NFASC: variants seen among roughly 807,000 people sequenced by gnomAD.
The protein encoded by NFASC is neurofascin homolog.
Under a neutral mutation model 147.5 loss-of-function variants are expected in NFASC, and 43 were observed. The observed-to-expected ratio is 0.29, with a 90% CI of 0.23 to 0.38. NFASC has a LOEUF of 0.38. NFASC is among the 10% of genes least tolerant of loss of function. The pLI, the probability that NFASC is intolerant of heterozygous loss-of-function variation, is 1.00. For synonymous variants in NFASC, 622 were observed against 665.5 expected, an observed-to-expected ratio of 0.93 and a Z score of 1.01; for missense variants, 1,320 against 1,689.0, an observed-to-expected ratio of 0.78 and a Z score of 3.83.
At position 205,002,674 on chromosome 1, in the gene NFASC, C is replaced by T. The variant is rs767108773; in HGVS notation, c.3215C>T (p.Thr1072Ile). 26 of 1,589,392 alleles carry T rather than the reference C, an allele frequency of 1.6e-5. No homozygotes were observed. The highest frequency in any genetic ancestry group is 3.4e-5 in the Admixed American group (2 of 59,682). The change falls in exon 27 of 30, where the codon ACA becomes ATA. Residue 1072 changes from threonine (T) to isoleucine (I), a missense_variant. Physicochemically the swap from Thr to Ile is moderately conservative, Grantham distance 89. This residue lies in a region of NFASC where 167 missense variants were observed against 233.8 expected (regional missense o/e 0.71). Coordinates refer to ENST00000339876, the MANE Select transcript of NFASC (RefSeq NM_001005388.3). Reference sequence around the variant, plus strand: ...CTGACAGACCTCTATCCCGGGATGACATACACGTTGCGGGTTTATTCCCGG... The same window carrying T: ...CTGACAGACCTCTATCCCGGGATGATATACACGTTGCGGGTTTATTCCCGG... The part of the protein sequence containing the change: ...IQLTDLYPGM[T>I]YTLRVYSRDN...
chr1:204,982,090 G>A, intron 21 of NFASC, 70 bp downstream of exon 21: 1 of 1,063,508 alleles, frequency 9.4e-7, no homozygotes, highest in Non-Finnish European at 1.3e-6. Context: ...ACGCTCACAG[G>A]CCAGGAACCT....
At chr1:204,964,535 G>A (rs2094845247) in intron 8 of NFASC, among the ~76,000 whole-genome samples, 1 of 152,240 alleles carries the variant, frequency 6.6e-6, no homozygotes, top group South Asian at 2.1e-4. Context: ...AAGAAGAAAA[G>A]CTCCAACTAC....
intron 1 of NFASC, among the ~76,000 whole-genome samples, chr1:204,899,972 T>A (rs2084196151): frequency 6.6e-6 from 1 of 152,242 alleles, no homozygotes; most frequent in Admixed American, 6.5e-5. Context: ...TGATAATATG[T>A]ACTGTACTAA....
chr1:204,903,222 G>A (rs567020985), intron 1 of NFASC, among the ~76,000 whole-genome samples: 115 of 152,282 alleles, frequency 7.6e-4, no homozygotes, highest in African/African-American at 2.7e-3. Context: ...AGGGTGGTGG[G>A]TACAAGTGGC....
At chr1:204,893,781 C>G (rs2082860272) in intron 1 of NFASC, among the ~76,000 whole-genome samples, 1 of 152,242 alleles carries the variant, frequency 6.6e-6, no homozygotes, top group South Asian at 2.1e-4. Context: ...GCTTCTCCCC[C>G]TTTGCCTCTC....
chr1:205,016,434 C>G lies in NFASC; in HGVS notation c.3618C>G (p.Gly1206=). The change falls in exon 30 of 30, where the codon GGC becomes GGG. Residue 1206 remains glycine (G), a synonymous_variant. Coordinates refer to ENST00000339876, the MANE Select transcript of NFASC (RefSeq NM_001005388.3). The surrounding 1 kb of genome is among the most constrained non-coding windows in gnomAD (Gnocchi z 5.1). ...EGGEGQFNED[G]SFIGQYTVKK... is the part of the protein sequence containing the mutation. ...GCGAGGGTCAGTTCAATGAAGACGG[C>G]TCCTTCATCGGCCAGTACACGGTCA... 1 of 1,614,140 alleles carries G rather than the reference C, an allele frequency of 6.2e-7. No homozygotes were observed. The highest frequency in any genetic ancestry group is 1.1e-5 in the South Asian group (1 of 91,078).
chr1:204,938,544 C>G (rs766989930), intron 2 of NFASC, among the ~76,000 whole-genome samples: 2 of 152,150 alleles, frequency 1.3e-5, no homozygotes, highest in South Asian at 4.1e-4. Context: ...ACCCTGCCGC[C>G]GGCTCCCATA....
chr1:204,979,353 C>T lies in NFASC; in HGVS notation c.1979-9C>T. Reference sequence around the variant, plus strand: ...TCCCGAAACAGCTCTGTTTTCCTTGCCCACTCAGACTACGTCGTCCAGTTT... The same window carrying T: ...TCCCGAAACAGCTCTGTTTTCCTTGTCCACTCAGACTACGTCGTCCAGTTT... On this transcript the variant is annotated splice_polypyrimidine_tract_variant and intron_variant, in intron 18 of 29. Transcript: ENST00000339876. This position sits in a 1 kb window ranked among gnomAD's most constrained non-coding sequence, Gnocchi z 6.0. 6.2e-7 allele frequency: 1 copy of T among 1,611,450 alleles called. No individual in the cohort carries two copies. Among genetic ancestry groups the T allele is most frequent in the South Asian group, 1.1e-5 (1 of 91,050 alleles).
chr1:204,864,767 T>C (rs1393087607), intron 1 of NFASC, among the ~76,000 whole-genome samples: 4 of 152,208 alleles, frequency 2.6e-5, no homozygotes, highest in Non-Finnish European at 5.9e-5. Context: ...TTTTAGGAGT[T>C]CCTGATATAG....
At position 204,920,680 on chromosome 1, in the gene NFASC, C is replaced by T. The variant is rs770445905; in HGVS notation, c.-151C>T. ...GGGACGCTGGAGTTTACCTTCCCTC[C>T]GCAGCCTGGAACAGAGCCTCCTCTG... On this transcript the variant is annotated 5_prime_UTR_variant, in exon 2 of 30. Coordinates refer to ENST00000339876, the MANE Select transcript of NFASC (RefSeq NM_001005388.3). 34 of 1,289,458 alleles carry T rather than the reference C, an allele frequency of 2.6e-5. 1 individual carries two copies. Among genetic ancestry groups the T allele is most frequent in the South Asian group, 2.5e-4 (20 of 81,020 alleles). 79.9% of individuals were successfully genotyped at this position (1,289,458 alleles called of 1,614,324 possible).
chr1:204,843,718 C>G (rs1676162382), intron 1 of NFASC, among the ~76,000 whole-genome samples: 2 of 146,528 alleles, frequency 1.4e-5, no homozygotes, highest in South Asian at 2.2e-4. Flanking sequence ...CTCTTTCTCT[C>G]TTTCTTTCAC....
In NFASC at chr1:204,997,187, C is replaced by CCGACT; in HGVS notation, c.2801_2805dup (p.Thr936ArgfsTer10). The CCGACT allele has an allele frequency of 6.2e-7, 1 of 1,611,772 alleles. No individual in the cohort carries two copies. The highest frequency in any genetic ancestry group is 8.5e-7 in the Non-Finnish European group (1 of 1,178,070). Reference sequence around the variant, plus strand: ...CCTCTCAGCTCCTCCCACATTGCCCCCGACTACCGTGGGTGCGACGGGCGC... The same window carrying CCGACT: ...CCTCTCAGCTCCTCCCACATTGCCCCCGACTCGACTACCGTGGGTGCGACGGGCGC... On this transcript the variant is annotated frameshift_variant, in exon 25 of 30. Coordinates refer to ENST00000339876, the MANE Select transcript of NFASC (RefSeq NM_001005388.3). LOFTEE classifies it high-confidence loss of function.
In NFASC at chr1:204,979,091, C is replaced by T; in HGVS notation, c.1978+22C>T. On this transcript the variant is annotated intron_variant, in intron 18 of 29. Transcript: ENST00000339876. This position sits in a 1 kb window ranked among gnomAD's most constrained non-coding sequence, Gnocchi z 6.0. ...ACAGGTAGCTCAGGGCCTTGCACCC[C>T]AAAGCTGGAAAAGAGGGACGGCAAC... 1 of 1,535,186 alleles carries T rather than the reference C, an allele frequency of 6.5e-7. No homozygotes were observed. The highest frequency in any genetic ancestry group is 8.8e-7 in the Non-Finnish European group (1 of 1,133,278).
intron 2 of NFASC, among the ~76,000 whole-genome samples, chr1:204,921,090 G>A (rs990907152): frequency 6.6e-6 from 1 of 152,176 alleles, no homozygotes; most frequent in African/African-American, 2.4e-5. Flanking sequence ...CTACAACCTG[G>A]ATGCTCCTGA....
intron 1 of NFASC, among the ~76,000 whole-genome samples, chr1:204,919,152 G>T (rs2089941987): frequency 6.6e-6 from 1 of 151,906 alleles, no homozygotes; most frequent in South Asian, 2.1e-4. Context: ...AGCCTCCCAA[G>T]TAGCTGGGAT....
intron 1 of NFASC, among the ~76,000 whole-genome samples, chr1:204,878,964 C>T (rs370388230): frequency 5.3e-5 from 8 of 152,146 alleles, no homozygotes; most frequent in African/African-American, 1.9e-4. Context: ...TTTTGAAGAG[C>T]AATTTCTTCC....
intron 2 of NFASC, 63 bp downstream of exon 2, chr1:204,920,803 G>T: frequency 4.2e-6 from 3 of 721,174 alleles, no homozygotes; most frequent in Non-Finnish European, 6.3e-6. Flanking sequence ...GGACATTCTC[G>T]CCTCCTGCCC....
intron 1 of NFASC, among the ~76,000 whole-genome samples, chr1:204,879,603 C>G (rs866791815): frequency 3.3e-5 from 5 of 152,188 alleles, no homozygotes; most frequent in Non-Finnish European, 4.4e-5. Flanking sequence ...CTCATAGGAT[C>G]TGGGGGCAGC....
At chr1:205,001,042 T>G in intron 25 of NFASC, 128 bp from the exon 26 acceptor site, 1 of 694,000 alleles carries the variant, frequency 1.4e-6, no homozygotes, top group Admixed American at 2.0e-5. Flanking sequence ...GATGACTGTG[T>G]GTACATGTGT....
Sources: gnomAD v4.1 joint callset for allele counts (sites outside exome capture counted in the v4.1 genomes callset) on GRCh38, gnomAD v4.1.1 for gene constraint, gnomAD v4.1.1 regional missense constraint, Gnocchi (gnomAD v3.1) non-coding constraint, MANE v1.5 for transcripts, NCBI Gene and HGNC (gene_info 2026-07-23, HGNC 2026-07-21) for gene names.